Variants in ADCY10 observed in about 807,000 individuals in gnomAD.
ADCY10 encodes adenylate cyclase 10.
In ADCY10, 156 loss-of-function variants were observed where a neutral mutation model predicts 183.3. The ratio of observed to expected loss-of-function variants is 0.85; its 90% CI spans 0.75 to 0.97. The LOEUF (loss-of-function observed/expected upper bound fraction) is 0.97. Ranked by LOEUF, ADCY10 falls within the 50% of genes least tolerant of loss-of-function variation. The pLI, the probability that ADCY10 is intolerant of heterozygous loss-of-function variation, is 0.00. For synonymous variants in ADCY10, 645 were observed against 670.0 expected (o/e 0.96, Z 0.58); for missense variants, 1,745 against 1,934.3 (o/e 0.90, Z 1.84).
At chr1:167,818,642 A>T (rs1662678875) in intron 30 of ADCY10, among the ~76,000 whole-genome samples, 1 of 152,076 alleles carries the variant, frequency 6.6e-6, no homozygotes, top group Non-Finnish European at 1.5e-5. Context: ...GGTTCAAGTG[A>T]TTCTCCTGCC....
chr1:167,833,035 C>A lies in ADCY10; in HGVS notation c.3545G>T (p.Arg1182Ile). 6.2e-7 allele frequency: 1 copy of A among 1,614,134 alleles called. No homozygotes were observed. The highest frequency in any genetic ancestry group is 1.1e-5 in the South Asian group (1 of 91,070). The change falls in exon 25 of 33, where the codon AGA (arginine) becomes ATA (isoleucine). Residue 1182 changes from arginine to isoleucine, a missense_variant. Physicochemically the swap from Arg to Ile is moderately conservative, Grantham distance 97. Coordinates refer to ENST00000367851, the MANE Select transcript of ADCY10 (RefSeq NM_018417.6). ...CTGCCGATTCACATAATGAAAGTGT[C>A]TGTTTTTCTCGACATGGATATGGAG... ...LFLHIHVEKN[R>I]HFHYVNRQAQ...
At chr1:167,815,067 G>A (rs1364599677) in intron 31 of ADCY10, among the ~76,000 whole-genome samples, 1 of 152,132 alleles carries the variant, frequency 6.6e-6, no homozygotes, top group Non-Finnish European at 1.5e-5. Flanking sequence ...GGAGGTTGCA[G>A]TGAGCCGAGA....
At chr1:167,854,241 T>C (rs1210670108) in intron 18 of ADCY10, 112 bp downstream of exon 18, 1 of 1,341,514 alleles carries the variant, frequency 7.5e-7, no homozygotes, top group African/African-American at 1.4e-5. Context: ...CCCAGAACCT[T>C]CTGACTCTAC....
At chr1:167,881,463 G>T (rs1304093256) in intron 9 of ADCY10, among the ~76,000 whole-genome samples, 1 of 152,118 alleles carries the variant, frequency 6.6e-6, no homozygotes, top group Non-Finnish European at 1.5e-5. Context: ...AAAAGGACTG[G>T]GATCTGCCTT....
intron 13 of ADCY10, among the ~76,000 whole-genome samples, chr1:167,870,772 G>A (rs1398146434): frequency 1.3e-5 from 2 of 150,616 alleles, no homozygotes; most frequent in African/African-American, 2.4e-5. Flanking sequence ...TCCTGCCATT[G>A]CACTCCAGCC....
At chr1:167,886,013 G>T (rs1162730423) in intron 8 of ADCY10, among the ~76,000 whole-genome samples, 1 of 152,076 alleles carries the variant, frequency 6.6e-6, no homozygotes, top group Non-Finnish European at 1.5e-5. Flanking sequence ...CCTCTTCAAG[G>T]AGAACTACAA....
In ADCY10 at chr1:167,824,767, TC is replaced by T; in HGVS notation, c.3838del (p.Glu1280SerfsTer8). 6.2e-7 allele frequency: 1 copy of T among 1,614,238 alleles called. No homozygotes were observed. The highest frequency in any genetic ancestry group is 1.1e-5 in the South Asian group (1 of 91,082). ...VWFKYEVMAMEHIFNLPLKGE... is the reference protein window; with the variant it reads ...VWFKYEVMAMXHIFNLPLKGE... ...TTTCAGGGGGAGGTTGAAGATGTGCTCCATGGCCATGACTTCATATTTGAAC... is the reference window on the plus strand; with the variant it reads ...TTTCAGGGGGAGGTTGAAGATGTGCTCATGGCCATGACTTCATATTTGAAC... On this transcript the variant is annotated frameshift_variant, in exon 27 of 33. Transcript: ENST00000367851. LOFTEE classifies it high-confidence loss of function.
intron 22 of ADCY10, 98 bp downstream of exon 22, chr1:167,837,151 G>A (rs1664270234): frequency 8.8e-7 from 1 of 1,134,918 alleles, no homozygotes; most frequent in Non-Finnish European, 1.3e-6. Flanking sequence ...GCATCTAAGA[G>A]GTCAAAAGTA....
chr1:167,903,897 T>C lies in ADCY10; in HGVS notation c.243A>G (p.Ala81=). 2 of 1,610,502 alleles carry C rather than the reference T, an allele frequency of 1.2e-6. No individual in the cohort carries two copies. The highest frequency in any genetic ancestry group is 1.7e-6 in the Non-Finnish European group (2 of 1,176,746). The change falls in exon 3 of 33, where the codon GCA becomes GCG. Residue 81 remains alanine (A), a synonymous_variant. Transcript: ENST00000367851. ...LVEILNYHIS[A]IVEKVLIFGG... ...TATGGGAACACTTACTCTCCACTAT[T>C]GCACTTATGTGGTAGTTGAGGATCT... is the stretch of plus-strand genomic sequence containing the variant.
chr1:167,840,675 T>C (rs554007319), intron 21 of ADCY10, among the ~76,000 whole-genome samples: 32 of 151,732 alleles, frequency 2.1e-4, no homozygotes, highest in Non-Finnish European at 3.4e-4. Context: ...TTATTTTTGA[T>C]TCTCATTTTT....
rs780470349 is a variant in ADCY10 at position 167,901,664 on chromosome 1, A to C, written c.434T>G (p.Ile145Arg). The C allele has an allele frequency of 1.2e-6, 2 of 1,613,924 alleles. No individual in the cohort carries two copies. Among genetic ancestry groups the C allele is most frequent in the Non-Finnish European group, 8.5e-7 (1 of 1,179,984 alleles). ...TTTATTCCTTCTCAAATGCTTACCT[A>C]TCTTGACTCGGATGTCTAGGCCTTC... The part of the protein sequence containing the change: ...WEEGLDIRVK[I>R]GLAAGHISML... The change falls in exon 5 of 33, where the codon ATA (isoleucine) becomes AGA (arginine). Residue 145 changes from isoleucine (I) to arginine (R), a missense_variant and splice_region_variant. Coordinates refer to ENST00000367851, the MANE Select transcript of ADCY10 (RefSeq NM_018417.6).
intron 21 of ADCY10, among the ~76,000 whole-genome samples, chr1:167,842,445 G>C (rs549045687): frequency 3.5e-4 from 53 of 152,272 alleles, no homozygotes; most frequent in Non-Finnish European, 5.3e-4. Context: ...ACAAGCGTGA[G>C]CCACCACACT....
intron 9 of ADCY10, among the ~76,000 whole-genome samples, chr1:167,881,829 T>C (rs913050842): frequency 6.6e-6 from 1 of 152,240 alleles, no homozygotes; most frequent in African/African-American, 2.4e-5. Flanking sequence ...TCTCTTAGAT[T>C]CTACACTCTT....
At chr1:167,820,998 A>T (rs546061067) in intron 30 of ADCY10, 33 of 152,356 alleles carry the variant, frequency 2.2e-4, no homozygotes, top group African/African-American at 7.9e-4. Context: ...GTAGCATTTT[A>T]TATAGGAATG....
intron 11 of ADCY10, 70 bp from the exon 12 acceptor site, chr1:167,878,705 T>G: frequency 6.7e-7 from 1 of 1,493,682 alleles, no homozygotes; most frequent in Non-Finnish European, 9.3e-7. Context: ...ATCTGAAACA[T>G]TGTCCCCAAA....
intron 24 of ADCY10, 35 bp from the exon 25 acceptor site, chr1:167,833,197 G>C: frequency 6.3e-7 from 1 of 1,591,526 alleles, no homozygotes; most frequent in Non-Finnish European, 8.6e-7. Context: ...AGGAAAAGAG[G>C]AAAACGATGA....
Position 167,833,092 on chromosome 1 carries a change from C to A in ADCY10, c.3488G>T (p.Arg1163Leu), listed in dbSNP as rs143185037. 1.1e-3 allele frequency: 1,809 copies of A among 1,614,060 alleles called. 34 individuals are homozygous for A. In the South Asian group the frequency reaches 0.019, roughly 17 times the overall value. Residue 1163 changes from arginine (R) to leucine (L), a missense_variant, in exon 25 of 33, where the codon CGA (arginine) becomes CTA (leucine). By Grantham distance (102) the Arg-to-Leu change is moderately radical. Transcript: ENST00000367851. ...MLRKALKLLNRIFPYNLISLF... is the reference protein window; with the variant it reads ...MLRKALKLLNLIFPYNLISLF... ...GGAGATTAAGTTGTAAGGAAAGATT[C>A]GGTTGAGGAGCTTCAGTGCCTTCCT...
chr1:167,844,210 C>T (rs1380735864), intron 21 of ADCY10, among the ~76,000 whole-genome samples: 3 of 152,198 alleles, frequency 2.0e-5, no homozygotes, highest in South Asian at 4.1e-4. Context: ...CTGACATCTT[C>T]CCTGCCCAGT....
intron 25 of ADCY10, among the ~76,000 whole-genome samples, 156 bp from the exon 26 acceptor site, chr1:167,829,579 AT>A (rs1246141400): frequency 6.6e-6 from 1 of 152,220 alleles, no homozygotes; most frequent in Non-Finnish European, 1.5e-5. Flanking sequence ...AAGCACATTA[AT>A]TTTTATGGAG....
Sources: allele counts gnomAD v4.1 joint callset (sites outside exome capture counted in the v4.1 genomes callset), GRCh38; gene constraint gnomAD v4.1.1; transcripts MANE v1.5; gene names NCBI Gene and HGNC (gene_info 2026-07-23, HGNC 2026-07-21).